Variants in SLCO5A1 observed in about 807,000 individuals in gnomAD.
SLCO5A1 encodes the protein organic anion transporter polypeptide-related protein 4.
SLCO5A1 carries 39 observed loss-of-function variants against 65.1 expected under a neutral mutation model. The observed-to-expected ratio is 0.60, with a 90% CI of 0.46 to 0.78. The LOEUF (loss-of-function observed/expected upper bound fraction) is 0.78. Among genes scored for constraint, SLCO5A1 ranks in the 30% least tolerant of loss-of-function variants. SLCO5A1 has a pLI of 0.00. For synonymous variants in SLCO5A1, 438 were observed against 415.7 expected (o/e 1.05, Z -0.65); for missense variants, 1,029 against 1,069.4 (o/e 0.96, Z 0.53).
chr8:69,790,456 C>T (rs982768248), intron 2 of SLCO5A1, among the ~76,000 whole-genome samples: 1 of 151,916 alleles, frequency 6.6e-6, no homozygotes, highest in African/African-American at 2.4e-5. Context: ...CACTTAATAT[C>T]CCTAATAAAT....
rs576599905 is a variant in SLCO5A1, at chr8:69,723,865, C to T, written c.1423+14175G>A. Reference sequence around the variant, plus strand: ...TCGGCTCACTGCAACCTCCGCCTCCCGGGTTCAAGCGATTCTCCTGTCTCA... The same window carrying T: ...TCGGCTCACTGCAACCTCCGCCTCCTGGGTTCAAGCGATTCTCCTGTCTCA... On this transcript the variant is annotated intron_variant, in intron 5 of 9. Coordinates refer to ENST00000260126, the MANE Select transcript of SLCO5A1 (RefSeq NM_030958.3). 5.9e-4 allele frequency among the ~76,000 whole-genome samples: 89 copies of T among 151,948 alleles called. 1 individual carries two copies. The highest frequency in any genetic ancestry group is 2.0e-3 in the African/African-American group (82 of 41,444).
intron 4 of SLCO5A1, among the ~76,000 whole-genome samples, chr8:69,753,848 T>A (rs1586760032): frequency 7.0e-6 from 1 of 143,556 alleles, no homozygotes; most frequent in South Asian, 2.2e-4. Context: ...CCATCTCTGC[T>A]AAAAAAAAAA....
intron 2 of SLCO5A1, among the ~76,000 whole-genome samples, chr8:69,805,777 G>A (rs1283619042): frequency 2.0e-5 from 3 of 152,264 alleles, no homozygotes; most frequent in Middle Eastern, 3.4e-3. Flanking sequence ...ACACCTGCTG[G>A]GAAAAAGGGA....
intron 8 of SLCO5A1, among the ~76,000 whole-genome samples, chr8:69,678,865 T>C (rs1431544559): frequency 6.6e-6 from 1 of 151,406 alleles, no homozygotes; most frequent in East Asian, 1.9e-4. Context: ...ACTCTGAAAT[T>C]TTATATGATA....
At chr8:69,825,807 A>G (rs1346700348) in intron 2 of SLCO5A1, among the ~76,000 whole-genome samples, 3 of 152,232 alleles carry the variant, frequency 2.0e-5, no homozygotes, top group Non-Finnish European at 4.4e-5. Context: ...ACCAAAAAAG[A>G]GCCCACATTG....
intron 2 of SLCO5A1, among the ~76,000 whole-genome samples, chr8:69,823,565 A>G (rs533693860): frequency 6.6e-6 from 1 of 152,368 alleles, no homozygotes; most frequent in East Asian, 1.9e-4. Context: ...CAATTCAACA[A>G]GAAGAGCTCA....
At chr8:69,680,187 C>T (rs62512221) in intron 7 of SLCO5A1, among the ~76,000 whole-genome samples, 16,825 of 152,178 alleles carry the variant, frequency 0.11, 1,226 homozygotes, top group Non-Finnish European at 0.17. Context: ...GTTTGTTACA[C>T]GGGTCTATTG....
In SLCO5A1 at chr8:69,757,798, CA is replaced by C. The variant is rs1428682606; in HGVS notation, c.1041-2158del. 6.9e-5 allele frequency among the ~76,000 whole-genome samples: 9 copies of C among 130,908 alleles called. No individual in the cohort carries two copies. The South Asian group carries it at 9.8e-4, about 14-fold the overall frequency. The allele number at this position is 130,908 out of a possible 152,430, so 85.9% of individuals were successfully genotyped here. ...TCCTTACCCATCAGGCACTATCAGGCACTGCTCACTTGCCTCTGGAGCCTCT... is the reference window on the plus strand; with the variant it reads ...TCCTTACCCATCAGGCACTATCAGGCCTGCTCACTTGCCTCTGGAGCCTCT... On this transcript the variant is annotated intron_variant, in intron 3 of 9. Transcript: ENST00000260126.
chr8:69,704,565 A>G (rs2933054), intron 6 of SLCO5A1, among the ~76,000 whole-genome samples: 14,846 of 152,272 alleles, frequency 0.097, 905 homozygotes, highest in South Asian at 0.18. Context: ...CCTTGGAAGG[A>G]TATGCAAAAA....
chr8:69,807,561 C>T (rs971193585), intron 2 of SLCO5A1, among the ~76,000 whole-genome samples: 8 of 152,204 alleles, frequency 5.3e-5, no homozygotes, highest in African/African-American at 1.7e-4. Flanking sequence ...TTCTCTACTG[C>T]TATGAGTTTG....
At chr8:69,787,014 T>C (rs1819064290) in intron 2 of SLCO5A1, among the ~76,000 whole-genome samples, 1 of 152,212 alleles carries the variant, frequency 6.6e-6, no homozygotes, top group Admixed American at 6.5e-5. Context: ...GAAACCTGTT[T>C]GTAACCCAGG....
intron 2 of SLCO5A1, among the ~76,000 whole-genome samples, chr8:69,784,011 G>A (rs949153665): frequency 6.6e-6 from 1 of 152,074 alleles, no homozygotes. Flanking sequence ...GGGAATACAC[G>A]GGAAATCTTT....
At chr8:69,784,829 AAG>A (rs777566593) in intron 2 of SLCO5A1, among the ~76,000 whole-genome samples, 98 of 145,464 alleles carry the variant, frequency 6.7e-4, no homozygotes, top group African/African-American at 2.3e-3. Context: ...GAAAGAAAGA[AAG>A]AAAGAAAGAA....
In SLCO5A1 at chr8:69,694,902, T is replaced by C. The variant is rs1451561281; in HGVS notation, c.1622+10129A>G. Among the ~76,000 whole-genome samples, 3 of 152,206 alleles carry C rather than the reference T, an allele frequency of 2.0e-5. No individual in the cohort carries two copies. In the East Asian group the frequency reaches 5.8e-4, roughly 29 times the overall value. ...GAATACAACTAAGTGAGAAAAGGTG[T>C]ACTGTAATTCATGGATTAGATAATA... On this transcript the variant is annotated intron_variant, in intron 6 of 9. Transcript: ENST00000260126.
chr8:69,670,727 G>A lies in SLCO5A1; in HGVS notation c.*2142C>T, dbSNP rs1351358945. 1.3e-5 allele frequency: 2 copies of A among 152,176 alleles called. No homozygotes were observed. The highest frequency in any genetic ancestry group is 2.1e-4 in the South Asian group (1 of 4,822). The allele number at this position is 152,176 out of a possible 1,614,324, so 9.4% of individuals were successfully genotyped here. On this transcript the variant is annotated 3_prime_UTR_variant, in exon 10 of 10. Coordinates refer to ENST00000260126, the MANE Select transcript of SLCO5A1 (RefSeq NM_030958.3). ...AGTAAGGGGGCTCTCTAACTACTCC[G>A]TGCTGAGTCCAGCAATCTTAGCTAC...
intron 2 of SLCO5A1, chr8:69,794,267 T>C (rs1440203653): frequency 8.4e-6 from 4 of 477,270 alleles, no homozygotes; most frequent in Admixed American, 2.2e-5. Flanking sequence ...AATGGGAAAG[T>C]TTTGCTGAAT....
intron 6 of SLCO5A1, among the ~76,000 whole-genome samples, chr8:69,692,533 A>G (rs1324323030): frequency 6.6e-6 from 1 of 152,236 alleles, no homozygotes; most frequent in Non-Finnish European, 1.5e-5. Context: ...ATTATTTTTT[A>G]GCTTTTTGAC....
At chr8:69,755,886 G>A (rs993503197) in intron 3 of SLCO5A1, among the ~76,000 whole-genome samples, 6 of 152,232 alleles carry the variant, frequency 3.9e-5, no homozygotes, top group Admixed American at 6.5e-5. Flanking sequence ...AACCTGATTC[G>A]AATTTCATTC....
In SLCO5A1 at chr8:69,750,535, A is replaced by G. The variant is rs541088485; in HGVS notation, c.1258+4889T>C. On this transcript the variant is annotated intron_variant, in intron 4 of 9. Coordinates refer to ENST00000260126, the MANE Select transcript of SLCO5A1 (RefSeq NM_030958.3). ...CTCATCTCCCAGGCCTCTGCCACAT[A>G]TGTCCAACAGACCAACCACAAAACG... Among the ~76,000 whole-genome samples the G allele has an allele frequency of 6.6e-5, 10 of 152,180 alleles. No homozygotes were observed. In the East Asian group the frequency reaches 1.9e-3, roughly 29 times the overall value.
Sources: allele counts gnomAD v4.1 joint callset (sites outside exome capture counted in the v4.1 genomes callset), GRCh38; gene constraint gnomAD v4.1.1; transcripts MANE v1.5; gene names NCBI Gene and HGNC (gene_info 2026-07-23, HGNC 2026-07-21).